Variants in TTN observed in about 807,000 individuals in gnomAD.
The protein encoded by TTN is titin.
Under a neutral mutation model 3,223.0 loss-of-function variants are expected in TTN, and 1,525 were observed. That is an observed-to-expected ratio of 0.47 (90% CI 0.45 to 0.49). The LOEUF (loss-of-function observed/expected upper bound fraction) is 0.49. Among genes scored for constraint, TTN ranks in the 20% least tolerant of loss-of-function variants. The probability of loss-of-function intolerance (pLI) is 0.00; values close to 1 mark genes in which losing one functional copy is unlikely to be tolerated. For synonymous variants in TTN, 14,094 were observed against 15,161.0 expected, an observed-to-expected ratio of 0.93 and a Z score of 5.17; for missense variants, 40,786 against 43,424.0, an observed-to-expected ratio of 0.94 and a Z score of 5.40.
chr2:178,737,207 C>A (rs552154831), intron 49 of TTN: 2 of 152,078 alleles, frequency 1.3e-5, no homozygotes, highest in South Asian at 4.2e-4. Flanking sequence ...TGAAGGCATT[C>A]AAGTATTTGA....
At chr2:178,605,803 T>C (rs967918113) in intron 278 of TTN, 90 bp from the exon 279 acceptor site, 5 of 1,173,684 alleles carry the variant, frequency 4.3e-6, no homozygotes, top group Middle Eastern at 2.2e-4. Context: ...ATGTAAAAAA[T>C]AGCCTTCTGT....
chr2:178,752,012 T>A, intron 47 of TTN: 1 of 1,590,562 alleles, frequency 6.3e-7, no homozygotes, highest in Non-Finnish European at 8.5e-7. Context: ...CCTTTCTGAA[T>A]GTTCAGATTC....
At position 178,710,840 on chromosome 2, in the gene TTN, G is replaced by A. The variant is rs762212243; in HGVS notation, c.28257C>T (p.His9419=). Residue 9419 remains histidine (H), a synonymous_variant, in exon 98 of 363, where the codon CAC becomes CAT. Coordinates refer to ENST00000589042, the MANE Select transcript of TTN (RefSeq NM_001267550.2). The part of the protein sequence containing the change: ...VVGESADFEC[H]VTGTQPIKVS... ...CCTTTATCGGTTGTGTGCCCGTGAC[G>A]TGGCACTCAAAGTCAGCACTTTCTC... 7 of 1,613,808 alleles carry A rather than the reference G, an allele frequency of 4.3e-6. 1 individual carries two copies. Among genetic ancestry groups the A allele is most frequent in the South Asian group, 3.3e-5 (3 of 91,082 alleles).
rs756303980 is a variant in TTN, at chr2:178,731,081, C to T, written c.17584G>A (p.Glu5862Lys). 3 of 1,613,708 alleles carry T rather than the reference C, an allele frequency of 1.9e-6. No homozygotes were observed. Among genetic ancestry groups the T allele is most frequent in the Non-Finnish European group, 2.5e-6 (3 of 1,179,722 alleles). Residue 5862 changes from glutamate (E) to lysine (K), a missense_variant, in exon 60 of 363, where the codon GAA (glutamate) becomes AAA (lysine). Coordinates refer to ENST00000589042, the MANE Select transcript of TTN (RefSeq NM_001267550.2). ...TTATATTTTGAGCCCAGGGTCAGTT[C>T]TTGGCCATCTTTAAACCATTTGGCT... ...ITAKWFKDGQ[E>K]LTLGSKYKIS...
intron 99 of TTN, 101 bp downstream of exon 99, chr2:178,709,465 T>G (rs2076335800): frequency 8.3e-7 from 1 of 1,210,238 alleles, no homozygotes; most frequent in Admixed American, 2.9e-5. Flanking sequence ...TATTTATATT[T>G]GTTATAACTT....
Position 178,777,580 on chromosome 2 carries a change from C to T in TTN, c.4485G>A (p.Gln1495=). The change falls in exon 26 of 363, where the codon CAG becomes CAA. Residue 1495 remains glutamine (Q), a synonymous_variant. Transcript: ENST00000589042. ...MPETFWFHDG[Q]QIVNDYTHKV... ...TATGGGTATAGTCATTGACAATTTG[C>T]TGGCCTGTGAAAATATGTTTAAAAG... 6.2e-7 allele frequency: 1 copy of T among 1,613,788 alleles called. No homozygotes were observed. Among genetic ancestry groups the T allele is most frequent in the Middle Eastern group, 1.7e-4 (1 of 6,060 alleles).
At chr2:178,705,436 T>C (rs893921866) in intron 102 of TTN, 79 bp from the exon 103 acceptor site, 1 of 1,095,042 alleles carries the variant, frequency 9.1e-7, no homozygotes, top group Non-Finnish European at 1.3e-6. Flanking sequence ...TCAAAGATTA[T>C]ATACTTCATT....
Position 178,532,205 on chromosome 2 carries a change from T to G in TTN, c.104410A>C (p.Arg34804=), listed in dbSNP as rs1575244212. The G allele has an allele frequency of 1.2e-6, 2 of 1,613,538 alleles. No individual in the cohort carries two copies. Among genetic ancestry groups the G allele is most frequent in the Non-Finnish European group, 1.7e-6 (2 of 1,179,864 alleles). The change falls in exon 358 of 363, where the codon AGG becomes CGG. Residue 34804 remains arginine (R), a synonymous_variant. Coordinates refer to ENST00000589042, the MANE Select transcript of TTN (RefSeq NM_001267550.2). The part of the protein sequence containing the change: ...SKEEKSRKKS[R]RQREVTEITE... ...ATTTCTGTCACTTCTCTTTGTCGCC[T>G]TGATTTCTTTCTAGACTTTTCCTCC...
intron 47 of TTN, among the ~76,000 whole-genome samples, chr2:178,752,376 A>G (rs2085797184): frequency 1.3e-5 from 2 of 152,044 alleles, no homozygotes; most frequent in African/African-American, 4.8e-5. Context: ...GGAAAATCTT[A>G]CCTGACTTGC....
rs1461236000 is a variant in TTN, at chr2:178,764,653, G to C, written c.9862C>G (p.Leu3288Val). 6.2e-7 allele frequency: 1 copy of C among 1,614,122 alleles called. No individual in the cohort carries two copies. The highest frequency in any genetic ancestry group is 1.7e-5 in the Admixed American group (1 of 60,014). The change falls in exon 42 of 363, where the codon CTT becomes GTT. Residue 3288 changes from leucine to valine, a missense_variant. Transcript: ENST00000589042. ...AGCGTGTATTCTTGCCCATCATGAA[G>C]AAATTTGCACTTGAAGCCAGTGGAA... ...LLSTGFKCKF[L>V]HDGQEYTLLL...
chr2:178,592,636 G>T lies in TTN; in HGVS notation c.59369C>A (p.Ala19790Asp). The T allele has an allele frequency of 6.2e-7, 1 of 1,613,110 alleles. No individual in the cohort carries two copies. The highest frequency in any genetic ancestry group is 8.5e-7 in the Non-Finnish European group (1 of 1,179,488). The change falls in exon 301 of 363, where the codon GCC becomes GAC. Residue 19790 changes from alanine (A) to aspartate (D), a missense_variant. Coordinates refer to ENST00000589042, the MANE Select transcript of TTN (RefSeq NM_001267550.2). ...AATGTGTTGTTCTCTTGCCATGTTG[G>T]CATCAAGAATCAACTCAGGGGGTTC... is the stretch of plus-strand genomic sequence containing the variant. Reference protein sequence around the residue: ...RLEPPELILDANMAREQHIKV... With the variant: ...RLEPPELILDDNMAREQHIKV...
chr2:178,601,554 G>T lies in TTN; in HGVS notation c.55443C>A (p.Gly18481=). Reference sequence around the variant, plus strand: ...CACTGACTTTCAGATCTTTGGGTGGGCCTGGTACATCTGTTGGATGTAAAT... The same window carrying T: ...CACTGACTTTCAGATCTTTGGGTGGTCCTGGTACATCTGTTGGATGTAAAT... The part of the protein sequence containing the change: ...NCRVKVMDVP[G]PPKDLKVSDI... Residue 18481 remains glycine, a synonymous_variant, in exon 287 of 363, where the codon GGC becomes GGA. Coordinates refer to ENST00000589042, the MANE Select transcript of TTN (RefSeq NM_001267550.2). 6.2e-7 allele frequency: 1 copy of T among 1,610,274 alleles called. No homozygotes were observed. Among genetic ancestry groups the T allele is most frequent in the Non-Finnish European group, 8.5e-7 (1 of 1,177,828 alleles).
At position 178,680,298 on chromosome 2, in the gene TTN, T is replaced by G; in HGVS notation, c.33374A>C (p.Glu11125Ala). 1.2e-6 allele frequency: 2 copies of G among 1,611,960 alleles called. No homozygotes were observed. Among genetic ancestry groups the G allele is most frequent in the South Asian group, 2.2e-5 (2 of 90,598 alleles). Residue 11125 changes from glutamate (E) to alanine (A), a missense_variant, in exon 139 of 363, where the codon GAA becomes GCA. Coordinates refer to ENST00000589042, the MANE Select transcript of TTN (RefSeq NM_001267550.2). The stretch of plus-strand genomic sequence containing the variant: ...TTCTTTTCTAGGGACAGGTACTTTT[T>G]CTTCTGCGACAACCCTCTTGGGCTT... ...PMKPKRVVAE[E>A]KVPVPRKEVA...
intron 47 of TTN, chr2:178,746,063 G>C: frequency 6.2e-7 from 1 of 1,613,438 alleles, no homozygotes; most frequent in Non-Finnish European, 8.5e-7. Flanking sequence ...TGCACTATCA[G>C]AAAGACAGAC....
In TTN at chr2:178,530,997, A is replaced by G; in HGVS notation, c.105618T>C (p.Ser35206=). The change falls in exon 358 of 363, where the codon AGT becomes AGC. Residue 35206 remains serine, a synonymous_variant. Transcript: ENST00000589042. ...TGAACTCTGCTTCTTGTTTCCCTTCACTGTTTTCTACCACCACGCTGTAAT... is the reference window on the plus strand; with the variant it reads ...TGAACTCTGCTTCTTGTTTCCCTTCGCTGTTTTCTACCACCACGCTGTAAT... The part of the protein sequence containing the change: ...EGNYSVVVEN[S]EGKQEAEFTL... 1 of 1,613,222 alleles carries G rather than the reference A, an allele frequency of 6.2e-7. No individual in the cohort carries two copies. The highest frequency in any genetic ancestry group is 8.5e-7 in the Non-Finnish European group (1 of 1,179,662).
chr2:178,729,078 A>G lies in TTN; in HGVS notation c.18960T>C (p.Pro6320=), dbSNP rs1423147078. The G allele has an allele frequency of 6.2e-7, 1 of 1,612,454 alleles. No homozygotes were observed. Among genetic ancestry groups the G allele is most frequent in the South Asian group, 1.1e-5 (1 of 90,936 alleles). ...TFQSTVAGSP[P]ISITWLKDDQ... is the part of the protein sequence containing the mutation. ...CATCCTTTAGCCAGGTTATAGAAAT[A>G]GGAGGAGAACCTGCCACGGTACTCT... The change falls in exon 65 of 363, where the codon CCT becomes CCC. Residue 6320 remains proline, a synonymous_variant. Coordinates refer to ENST00000589042, the MANE Select transcript of TTN (RefSeq NM_001267550.2).
intron 100 of TTN, 60 bp from the exon 101 acceptor site, chr2:178,707,014 C>G: frequency 1.4e-6 from 2 of 1,437,102 alleles, no homozygotes; most frequent in African/African-American, 1.4e-5. Context: ...ATACATATCC[C>G]CCTTTGTAAA....
Position 178,548,511 on chromosome 2 carries a change from C to T in TTN, c.93115G>A (p.Ala31039Thr). 1 of 1,613,878 alleles carries T rather than the reference C, an allele frequency of 6.2e-7. No individual in the cohort carries two copies. The highest frequency in any genetic ancestry group is 8.5e-7 in the Non-Finnish European group (1 of 1,179,816). The change falls in exon 339 of 363, where the codon GCC becomes ACC. Residue 31039 changes from alanine (A) to threonine (T), a missense_variant. Coordinates refer to ENST00000589042, the MANE Select transcript of TTN (RefSeq NM_001267550.2). The surrounding 1 kb of genome is among the most constrained non-coding windows in gnomAD (Gnocchi z 4.3). ...CGGGCACCACCGTCAAGAAGAGGGG[C>T]ATCCCACATCAATGTAGCAGATCCC... ...TRGSATLMWD[A>T]PLLDGGARIH...
Position 178,658,091 on chromosome 2 carries a change from G to C in TTN, c.37778C>G (p.Ala12593Gly). The C allele has an allele frequency of 1.3e-6, 2 of 1,573,018 alleles. No homozygotes were observed. Among genetic ancestry groups the C allele is most frequent in the Non-Finnish European group, 1.7e-6 (2 of 1,172,242 alleles). ...IPVAPPKKPE[A>G]PIVPVPEAQE... Reference sequence around the variant, plus strand: ...CTAAAGTGTACCTGGGACAATCGGAGCTTCTGGTTTTTTGGGTGGAGCCAC... The same window carrying C: ...CTAAAGTGTACCTGGGACAATCGGACCTTCTGGTTTTTTGGGTGGAGCCAC... Residue 12593 changes from alanine to glycine, a missense_variant, in exon 186 of 363, where the codon GCT (alanine) becomes GGT (glycine). Ala to Gly is a moderately conservative substitution (Grantham distance 60). Transcript: ENST00000589042.
Sources: allele counts gnomAD v4.1 joint callset (sites outside exome capture counted in the v4.1 genomes callset), GRCh38; gene constraint gnomAD v4.1.1; non-coding constraint Gnocchi (gnomAD v3.1); transcripts MANE v1.5; gene names NCBI Gene and HGNC (gene_info 2026-07-23, HGNC 2026-07-21).